The following EML5 variants were observed in gnomAD, a reference collection of about 807,000 sequenced individuals.
EML5 encodes echinoderm microtubule-associated protein-like 5.
EML5 carries 120 observed loss-of-function variants against 250.0 expected under a neutral mutation model. The observed-to-expected ratio is 0.48, with a 90% CI of 0.41 to 0.56. EML5 has a LOEUF of 0.56. Ranked by LOEUF, EML5 falls within the 20% of genes least tolerant of loss-of-function variation. The pLI is 0.00. For synonymous variants in EML5, 771 were observed against 806.5 expected, an observed-to-expected ratio of 0.96 and a Z score of 0.75; for missense variants, 2,006 against 2,437.6, an observed-to-expected ratio of 0.82 and a Z score of 3.73.
At chr14:88,654,857 C>T (rs958444092) in intron 27 of EML5, among the ~76,000 whole-genome samples, 2 of 152,042 alleles carry the variant, frequency 1.3e-5, no homozygotes, top group African/African-American at 4.8e-5. Flanking sequence ...TCTCGTTGAT[C>T]TAATATTGAC....
chr14:88,643,148 A>G, intron 30 of EML5, 126 bp from the exon 31 acceptor site: 1 of 934,320 alleles, frequency 1.1e-6, no homozygotes, highest in Non-Finnish European at 1.5e-6. Context: ...GATGTTTTAC[A>G]AACTTAATAT....
rs2092802498 is a variant in EML5, at chr14:88,685,145, G to A, written c.2855-3C>T. On this transcript the variant is annotated splice_polypyrimidine_tract_variant and splice_region_variant and intron_variant, in intron 19 of 43. Coordinates refer to ENST00000554922, the MANE Select transcript of EML5 (RefSeq NM_183387.3). ...TGGATTATCTTCCAAGAGAAGACCT[G>A]AAATGTTAAATGAAGATGTTCTTTT... 2 of 1,593,742 alleles carry A rather than the reference G, an allele frequency of 1.3e-6. No individual in the cohort carries two copies. Among genetic ancestry groups the A allele is most frequent in the Admixed American group, 1.8e-5 (1 of 56,574 alleles).
intron 10 of EML5, among the ~76,000 whole-genome samples, chr14:88,711,084 C>A (rs1000253820): frequency 4.6e-5 from 7 of 152,102 alleles, no homozygotes; most frequent in Non-Finnish European, 1.0e-4. Flanking sequence ...CTGAATCTCA[C>A]ACTTCATAAC....
intron 31 of EML5, among the ~76,000 whole-genome samples, chr14:88,639,720 G>T (rs2090952067): frequency 6.6e-6 from 1 of 152,062 alleles, no homozygotes; most frequent in South Asian, 2.1e-4. Flanking sequence ...GGGATTACAG[G>T]TGTGTGCCAT....
chr14:88,731,340 T>C (rs912567013), intron 7 of EML5, among the ~76,000 whole-genome samples: 1 of 151,264 alleles, frequency 6.6e-6, no homozygotes, highest in Non-Finnish European at 1.5e-5. Context: ...GTCCTTGCGA[T>C]AGTTTGCTGA....
chr14:88,708,645 A>G (rs2093356446), intron 10 of EML5, among the ~76,000 whole-genome samples: 1 of 152,138 alleles, frequency 6.6e-6, no homozygotes, highest in Admixed American at 6.6e-5. Flanking sequence ...GAAGAGGGCA[A>G]AAGTTTGATG....
intron 29 of EML5, among the ~76,000 whole-genome samples, chr14:88,645,560 C>T (rs559329217): frequency 6.6e-6 from 1 of 152,206 alleles, no homozygotes; most frequent in South Asian, 2.1e-4. Context: ...ATGAACGTTC[C>T]ACACTGTTAG....
At chr14:88,726,263 C>T (rs561821436) in intron 8 of EML5, among the ~76,000 whole-genome samples, 1 of 152,248 alleles carries the variant, frequency 6.6e-6, no homozygotes, top group Admixed American at 6.5e-5. Context: ...GGGACCCAAA[C>T]TTTATAGCTC....
rs756846867 is a variant in EML5, at chr14:88,754,577, T to A, written c.292A>T (p.Ile98Leu). The A allele has an allele frequency of 6.2e-7, 1 of 1,612,858 alleles. No homozygotes were observed. Among genetic ancestry groups the A allele is most frequent in the East Asian group, 2.2e-5 (1 of 44,796 alleles). ...GTATGAACATCCTTTAAAACTGATA[T>A]GGTCTGCACAGTGTATGAATCCCAA... ...CIWDSYTVQT[I>L]SVLKDVHTHG... Residue 98 changes from isoleucine (I) to leucine (L), a missense_variant, in exon 2 of 44, where the codon ATA (isoleucine) becomes TTA (leucine). Physicochemically the swap from Ile to Leu is conservative, Grantham distance 5. This residue lies in a region of EML5 where 162 missense variants were observed against 212.2 expected (regional missense o/e 0.76). Transcript: ENST00000554922.
chr14:88,777,094 A>G (rs2094454285), intron 1 of EML5, among the ~76,000 whole-genome samples: 1 of 152,200 alleles, frequency 6.6e-6, no homozygotes, highest in Non-Finnish European at 1.5e-5. Flanking sequence ...AGAAGGATAT[A>G]GAACACCAAG....
chr14:88,789,235 A>G (rs1433360152), intron 1 of EML5, among the ~76,000 whole-genome samples: 1 of 152,170 alleles, frequency 6.6e-6, no homozygotes, highest in East Asian at 1.9e-4. Flanking sequence ...TTATAGATTT[A>G]TAGATTTTAT....
chr14:88,665,366 T>A lies in EML5; in HGVS notation c.3248A>T (p.Asp1083Val), dbSNP rs1309164140. 1 of 1,613,362 alleles carries A rather than the reference T, an allele frequency of 6.2e-7. No homozygotes were observed. The highest frequency in any genetic ancestry group is 2.2e-5 in the East Asian group (1 of 44,836). The change falls in exon 22 of 44, where the codon GAT becomes GTT. Residue 1083 changes from aspartate to valine, a missense_variant. By Grantham distance (152) the Asp-to-Val change is radical (BLOSUM62 -3). This residue lies in a region of EML5 where 1,375 missense variants were observed against 1,590.3 expected (regional missense o/e 0.86). Coordinates refer to ENST00000554922, the MANE Select transcript of EML5 (RefSeq NM_183387.3). ...TGAAAATCGAATATCTGAAATCATA[T>A]CTTTTCTGTGATGAAAAGACACAAG... is the stretch of plus-strand genomic sequence containing the variant. ...EDLVSFHHRK[D>V]MISDIRFSPG... is the part of the protein sequence containing the mutation.
At chr14:88,715,284 T>C in intron 8 of EML5, 89 bp from the exon 9 acceptor site, 1 of 1,265,784 alleles carries the variant, frequency 7.9e-7, no homozygotes, top group Non-Finnish European at 1.1e-6. Context: ...ACCGTGAAGC[T>C]GTATCAAGTG....
chr14:88,720,195 A>G (rs2093568567), intron 8 of EML5, among the ~76,000 whole-genome samples: 1 of 152,204 alleles, frequency 6.6e-6, no homozygotes, highest in South Asian at 2.1e-4. Flanking sequence ...TTATAGCTGA[A>G]TTCTACCAGA....
chr14:88,648,699 C>T (rs1335536445), intron 28 of EML5, among the ~76,000 whole-genome samples: 2 of 152,094 alleles, frequency 1.3e-5, no homozygotes, highest in African/African-American at 2.4e-5. Flanking sequence ...AACCTCCCTT[C>T]CTCCTGTGCT....
intron 37 of EML5, 101 bp from the exon 38 acceptor site, chr14:88,621,402 T>A (rs1208497257): frequency 6.9e-7 from 1 of 1,459,314 alleles, no homozygotes; most frequent in Non-Finnish European, 9.4e-7. Flanking sequence ...CAGAGAACTT[T>A]TTGCTTTGAG....
intron 9 of EML5, 120 bp from the exon 10 acceptor site, chr14:88,712,603 G>A (rs1595622292): frequency 2.9e-6 from 2 of 684,424 alleles, no homozygotes; most frequent in Non-Finnish European, 4.8e-6. Flanking sequence ...CCACTTAGAG[G>A]AAAATACATA....
chr14:88,761,717 T>C (rs1354804606), intron 1 of EML5, among the ~76,000 whole-genome samples: 1 of 152,224 alleles, frequency 6.6e-6, no homozygotes, highest in East Asian at 1.9e-4. Flanking sequence ...TACCCAGTAA[T>C]GGGATTCTTG....
At chr14:88,715,878 T>C (rs1419386316) in intron 8 of EML5, among the ~76,000 whole-genome samples, 2 of 152,108 alleles carry the variant, frequency 1.3e-5, no homozygotes, top group Non-Finnish European at 2.9e-5. Flanking sequence ...TTAGGGACCA[T>C]GTTGACCAGT....
Sources: allele counts gnomAD v4.1 joint callset (sites outside exome capture counted in the v4.1 genomes callset), GRCh38; gene constraint gnomAD v4.1.1; regional missense constraint gnomAD v4.1.1; transcripts MANE v1.5; gene names NCBI Gene and HGNC (gene_info 2026-07-23, HGNC 2026-07-21).